KCNIP4: variants seen among roughly 807,000 people sequenced by gnomAD.
KCNIP4 encodes the protein Kv channel-interacting protein 4.
Under a neutral mutation model 34.0 loss-of-function variants are expected in KCNIP4, and 12 were observed. The observed-to-expected ratio is 0.35, with a 90% CI of 0.23 to 0.57. The LOEUF is 0.57. KCNIP4 is among the 20% of genes least tolerant of loss of function. KCNIP4 has a pLI of 0.83. For synonymous variants in KCNIP4, 124 were observed against 102.2 expected (o/e 1.21, Z -1.29); for missense variants, 238 against 311.7 (o/e 0.76, Z 1.78).
At chr4:21,696,785 T>A (rs1309482850) in intron 1 of KCNIP4, among the ~76,000 whole-genome samples, 1 of 152,194 alleles carries the variant, frequency 6.6e-6, no homozygotes, top group Non-Finnish European at 1.5e-5. Context: ...TCCACTGCAA[T>A]GAAACAAATA....
chr4:21,900,229 T>A (rs1302502602), intron 1 of KCNIP4, among the ~76,000 whole-genome samples: 1 of 152,200 alleles, frequency 6.6e-6, no homozygotes, highest in Admixed American at 6.5e-5. Flanking sequence ...TAAGAGAATT[T>A]GCAGATGGTT....
chr4:21,394,357 C>T (rs1722801608), intron 1 of KCNIP4, among the ~76,000 whole-genome samples: 1 of 152,154 alleles, frequency 6.6e-6, no homozygotes. Context: ...CAGCATCTCC[C>T]TATCCCTGAT....
intron 1 of KCNIP4, among the ~76,000 whole-genome samples, chr4:21,216,111 A>G (rs558773496): frequency 7.9e-5 from 12 of 152,290 alleles, no homozygotes; most frequent in African/African-American, 2.9e-4. Flanking sequence ...TCACAGTTCA[A>G]TGAATGCAAA....
intron 3 of KCNIP4, among the ~76,000 whole-genome samples, chr4:20,819,282 C>A (rs1194263068): frequency 6.6e-6 from 1 of 152,148 alleles, no homozygotes; most frequent in African/African-American, 2.4e-5. Flanking sequence ...AGCACACAAA[C>A]TATATTATGC....
chr4:21,514,471 C>T (rs572557372), intron 1 of KCNIP4, among the ~76,000 whole-genome samples: 103 of 152,164 alleles, frequency 6.8e-4, no homozygotes, highest in Non-Finnish European at 1.4e-3. Context: ...TAAAATATAA[C>T]TGCTTCAAGT....
intron 1 of KCNIP4, among the ~76,000 whole-genome samples, chr4:21,340,162 C>A (rs763934623): frequency 6.6e-6 from 1 of 151,992 alleles, no homozygotes. Flanking sequence ...AATCGGTGAG[C>A]TATGAAAAAA....
At chr4:21,152,470 T>A (rs992229061) in intron 1 of KCNIP4, among the ~76,000 whole-genome samples, 1 of 152,136 alleles carries the variant, frequency 6.6e-6, no homozygotes, top group Non-Finnish European at 1.5e-5. Flanking sequence ...GTCTTGCTTC[T>A]ATCACTGCCC....
At chr4:21,357,593 C>T (rs1364941773) in intron 1 of KCNIP4, among the ~76,000 whole-genome samples, 5 of 152,072 alleles carry the variant, frequency 3.3e-5, no homozygotes, top group South Asian at 2.1e-4. Context: ...GGTCATCAGA[C>T]AAATGCAAAT....
At chr4:21,126,634 A>AAG (rs1553942396) in intron 1 of KCNIP4, among the ~76,000 whole-genome samples, 965 of 84,892 alleles carry the variant, frequency 0.011, 22 homozygotes, top group African/African-American at 0.034. Flanking sequence ...AAAAAAAAAG[A>AAG]AAAGAAAAAA....
intron 1 of KCNIP4, among the ~76,000 whole-genome samples, chr4:21,340,128 A>G (rs980229232): frequency 6.6e-6 from 1 of 152,160 alleles, no homozygotes; most frequent in African/African-American, 2.4e-5. Context: ...TGAAAAGGCA[A>G]TGTTAATCAT....
intron 1 of KCNIP4, among the ~76,000 whole-genome samples, chr4:21,034,068 G>C (rs1193335164): frequency 1.3e-5 from 2 of 151,992 alleles, no homozygotes; most frequent in Non-Finnish European, 2.9e-5. Flanking sequence ...TTTGCAAAAA[G>C]GGCTATAGCA....
chr4:21,434,475 C>A (rs926919038), intron 1 of KCNIP4, among the ~76,000 whole-genome samples: 1 of 152,116 alleles, frequency 6.6e-6, no homozygotes, highest in Non-Finnish European at 1.5e-5. Flanking sequence ...CATTTGAGTG[C>A]TGGGACTCTG....
At position 21,556,395 on chromosome 4, in the gene KCNIP4, T is replaced by C. The variant is rs562168903; in HGVS notation, c.61+392176A>G. On this transcript the variant is annotated intron_variant, in intron 1 of 8. Transcript: ENST00000382152. Reference sequence around the variant, plus strand: ...TGCCCCATTCCCACAGTTGATTACTTTTCAGAGATGAACAACAAAGTCAAT... The same window carrying C: ...TGCCCCATTCCCACAGTTGATTACTCTTCAGAGATGAACAACAAAGTCAAT... Among the ~76,000 whole-genome samples, 3 of 152,240 alleles carry C rather than the reference T, an allele frequency of 2.0e-5. No homozygotes were observed. In the East Asian group the frequency reaches 5.8e-4, roughly 29 times the overall value.
chr4:21,522,353 T>A (rs1735603613), intron 1 of KCNIP4, among the ~76,000 whole-genome samples: 1 of 151,940 alleles, frequency 6.6e-6, no homozygotes, highest in East Asian at 1.9e-4. Flanking sequence ...CATTTTCACC[T>A]GCCACCGTAT....
chr4:20,795,549 A>T lies in KCNIP4; in HGVS notation c.289-36659T>A, dbSNP rs1713343650. On this transcript the variant is annotated intron_variant, in intron 3 of 8. Transcript: ENST00000382152. ...TTAGTATTCTTGACCCAGTGACTCA[A>T]GTCAGCATGTCTAATTTCTTAAATC... 2.0e-5 allele frequency among the ~76,000 whole-genome samples: 3 copies of T among 152,150 alleles called. No individual in the cohort carries two copies. In the South Asian group the frequency reaches 6.2e-4, roughly 31 times the overall value.
chr4:21,631,788 A>G (rs1745784189), intron 1 of KCNIP4, among the ~76,000 whole-genome samples: 1 of 152,186 alleles, frequency 6.6e-6, no homozygotes, highest in African/African-American at 2.4e-5. Context: ...TCTTTAGTCT[A>G]CCAATCTGTT....
At chr4:21,026,119 G>C (rs958394842) in intron 1 of KCNIP4, among the ~76,000 whole-genome samples, 3 of 151,946 alleles carry the variant, frequency 2.0e-5, no homozygotes, top group Admixed American at 6.6e-5. Flanking sequence ...GACTTCTCAG[G>C]GTCCCTTGCC....
At chr4:21,634,459 T>G (rs975158458) in intron 1 of KCNIP4, among the ~76,000 whole-genome samples, 1 of 151,990 alleles carries the variant, frequency 6.6e-6, no homozygotes, top group African/African-American at 2.4e-5. Context: ...ACTGGGAGGA[T>G]CTTCAGAGAT....
At chr4:21,231,233 C>T (rs1318424350) in intron 1 of KCNIP4, among the ~76,000 whole-genome samples, 1 of 152,040 alleles carries the variant, frequency 6.6e-6, no homozygotes, top group Admixed American at 6.6e-5. Context: ...TCTTAAAGGG[C>T]TATGAATTTA....
Sources: gnomAD v4.1 joint callset for allele counts (sites outside exome capture counted in the v4.1 genomes callset) on GRCh38, gnomAD v4.1.1 for gene constraint, MANE v1.5 for transcripts, NCBI Gene and HGNC (gene_info 2026-07-23, HGNC 2026-07-21) for gene names.